TBC1D19: variants seen among roughly 807,000 people sequenced by gnomAD.
TBC1D19 encodes the protein TBC1 domain family member 19.
TBC1D19 carries 60 observed loss-of-function variants against 89.0 expected under a neutral mutation model. The ratio of observed to expected loss-of-function variants is 0.67; its 90% CI spans 0.55 to 0.84. TBC1D19 has a LOEUF of 0.84. Ranked by LOEUF, TBC1D19 falls within the 40% of genes least tolerant of loss-of-function variation. The pLI is 0.00. For synonymous variants in TBC1D19, 189 were observed against 199.7 expected, an observed-to-expected ratio of 0.95 and a Z score of 0.45; for missense variants, 500 against 610.8, an observed-to-expected ratio of 0.82 and a Z score of 1.91.
At chr4:26,762,693 G>T in the TBC1D19 span, among the ~76,000 whole-genome samples, 1 of 152,192 alleles carries the variant, frequency 6.6e-6, no homozygotes, top group Non-Finnish European at 1.5e-5. Flanking sequence ...GAGATGGGAA[G>T]ATTATCCTGG....
intron 4 of TBC1D19, among the ~76,000 whole-genome samples, chr4:26,634,074 G>T (rs1742966584): frequency 1.4e-5 from 2 of 139,804 alleles, no homozygotes; most frequent in Non-Finnish European, 1.5e-5. Context: ...AGAGTATTTT[G>T]CAAAAAAAAA....
chr4:26,738,977 A>G (rs1210013388), intron 16 of TBC1D19, among the ~76,000 whole-genome samples: 3 of 152,180 alleles, frequency 2.0e-5, no homozygotes, highest in Non-Finnish European at 4.4e-5. Context: ...TGTCCAATAC[A>G]TATTGTTTGA....
intron 14 of TBC1D19, among the ~76,000 whole-genome samples, chr4:26,718,785 T>C (rs1716802660): frequency 6.6e-6 from 1 of 152,104 alleles, no homozygotes; most frequent in Non-Finnish European, 1.5e-5. Flanking sequence ...CTTTTGTTTG[T>C]TTCTTTAAGT....
At chr4:26,854,023 C>A in the TBC1D19 span, among the ~76,000 whole-genome samples, 9 of 152,186 alleles carry the variant, frequency 5.9e-5, no homozygotes, top group Non-Finnish European at 1.3e-4. Context: ...CATTCTGAAA[C>A]ACCTTTGTGT....
At chr4:26,752,873 C>T (rs1335102698) in intron 19 of TBC1D19, among the ~76,000 whole-genome samples, 1 of 152,100 alleles carries the variant, frequency 6.6e-6, no homozygotes, top group Admixed American at 6.5e-5. Flanking sequence ...GTTGCCCAGG[C>T]TGTCAAACTC....
intron 1 of TBC1D19, among the ~76,000 whole-genome samples, chr4:26,608,533 T>G (rs1741146869): frequency 6.6e-6 from 1 of 152,190 alleles, no homozygotes; most frequent in Admixed American, 6.5e-5. Flanking sequence ...CTCAAAAACT[T>G]GAAGATTTTT....
the TBC1D19 span, among the ~76,000 whole-genome samples, chr4:26,777,413 G>T: frequency 6.6e-6 from 1 of 151,962 alleles, no homozygotes; most frequent in African/African-American, 2.4e-5. Context: ...GAGGTTACAG[G>T]CGTGAGCCAC....
intron 19 of TBC1D19, among the ~76,000 whole-genome samples, chr4:26,751,675 C>T (rs966852913): frequency 6.6e-6 from 1 of 152,182 alleles, no homozygotes; most frequent in East Asian, 1.9e-4. Context: ...GAATTTTTCT[C>T]TCTGACGAGT....
the TBC1D19 span, among the ~76,000 whole-genome samples, chr4:26,813,813 A>G: frequency 6.6e-6 from 1 of 152,112 alleles, no homozygotes; most frequent in Non-Finnish European, 1.5e-5. Flanking sequence ...GGATGGCCTC[A>G]TGCCAGCAGG....
At chr4:26,695,565 A>G (rs185703329) in intron 13 of TBC1D19, among the ~76,000 whole-genome samples, 23 of 152,154 alleles carry the variant, frequency 1.5e-4, no homozygotes, top group Admixed American at 5.2e-4. Context: ...TGTCGGACTC[A>G]TCAAGTTGAA....
intron 18 of TBC1D19, among the ~76,000 whole-genome samples, chr4:26,744,403 T>G (rs1228610191): frequency 1.3e-5 from 2 of 151,694 alleles, no homozygotes; most frequent in Non-Finnish European, 3.0e-5. Context: ...TATTTATTAT[T>G]TTCTTCTTTT....
At chr4:26,664,374 T>G (rs112089373) in intron 8 of TBC1D19, among the ~76,000 whole-genome samples, 170 of 152,338 alleles carry the variant, frequency 1.1e-3, no homozygotes, top group African/African-American at 3.9e-3. Flanking sequence ...TCCAGAGTTC[T>G]GTTCATGCTT....
chr4:26,616,686 G>A (rs1741722688), intron 3 of TBC1D19, among the ~76,000 whole-genome samples: 1 of 152,102 alleles, frequency 6.6e-6, no homozygotes, highest in African/African-American at 2.4e-5. Flanking sequence ...ACTTGTTTTA[G>A]TAAGCATTAC....
At chr4:26,686,526 A>C (rs187849493) in intron 12 of TBC1D19, among the ~76,000 whole-genome samples, 22 of 152,120 alleles carry the variant, frequency 1.4e-4, no homozygotes, top group African/African-American at 5.3e-4. Context: ...CTTCATTATC[A>C]CGCTCCTGGA....
intron 4 of TBC1D19, among the ~76,000 whole-genome samples, chr4:26,621,907 G>A (rs970074124): frequency 1.3e-5 from 2 of 151,902 alleles, no homozygotes; most frequent in African/African-American, 4.8e-5. Flanking sequence ...GGAATACTAT[G>A]CAGCCATAAA....
At chr4:26,814,040 C>T in the TBC1D19 span, among the ~76,000 whole-genome samples, 1 of 152,096 alleles carries the variant, frequency 6.6e-6, no homozygotes. Context: ...CCCACTCTTG[C>T]AGGCCTCTGG....
chr4:26,675,051 T>C (rs914740935), intron 11 of TBC1D19, among the ~76,000 whole-genome samples: 1 of 152,038 alleles, frequency 6.6e-6, no homozygotes, highest in African/African-American at 2.4e-5. Flanking sequence ...CAAATGATAT[T>C]GCTGACTTTT....
intron 13 of TBC1D19, among the ~76,000 whole-genome samples, chr4:26,710,463 G>A (rs566285416): frequency 6.6e-6 from 1 of 152,226 alleles, no homozygotes; most frequent in South Asian, 2.1e-4. Flanking sequence ...CCAAGTCTTT[G>A]CTATTGTGTA....
rs56262902 is a variant in TBC1D19, at chr4:26,726,126, AACACACACACACAC to A, written c.1084+6041_1084+6054del. On this transcript the variant is annotated intron_variant, in intron 15 of 20. Coordinates refer to ENST00000264866, the MANE Select transcript of TBC1D19 (RefSeq NM_018317.4). ...ATTCTCAACCAGTGGCAATTCTCCCAACACACACACACACACACACACACACACACACACACACA... is the reference window on the plus strand; with the variant it reads ...ATTCTCAACCAGTGGCAATTCTCCCAACACACACACACACACACACACACA... Among the ~76,000 whole-genome samples, 460 of 127,178 alleles carry A rather than the reference AACACACACACACAC, an allele frequency of 3.6e-3. 2 individuals carry two copies. Among genetic ancestry groups the A allele is most frequent in the African/African-American group, 5.9e-3 (200 of 33,796 alleles). 83.4% of individuals were successfully genotyped at this position (127,178 alleles called of 152,430 possible).
Sources: gnomAD v4.1 joint callset for allele counts (sites outside exome capture counted in the v4.1 genomes callset) on GRCh38, gnomAD v4.1.1 for gene constraint, MANE v1.5 for transcripts, NCBI Gene and HGNC (gene_info 2026-07-23, HGNC 2026-07-21) for gene names.